Variants in TRIM14 observed in about 807,000 individuals in gnomAD.
The protein encoded by TRIM14 is tripartite motif containing 14.
TRIM14 carries 28 observed loss-of-function variants against 44.5 expected under a neutral mutation model. That is an observed-to-expected ratio of 0.63 (90% confidence interval 0.47 to 0.86). TRIM14 has a LOEUF of 0.86. TRIM14 is among the 40% of genes least tolerant of loss of function. TRIM14 has a pLI of 0.00. For missense variants in TRIM14, 607 were observed against 611.1 expected, an observed-to-expected ratio of 0.99 and a Z score of 0.07; for synonymous variants, 299 against 269.2, an observed-to-expected ratio of 1.11 and a Z score of -1.08.
At chr9:98,114,044 A>T (rs4743168) in intron 1 of TRIM14, among the ~76,000 whole-genome samples, 50,339 of 152,106 alleles carry the variant, frequency 0.33, 9,357 homozygotes, top group East Asian at 0.56. Context: ...GACCCCTGGA[A>T]GTCCAAAAGA....
At chr9:98,060,410 T>A in the TRIM14 span, among the ~76,000 whole-genome samples, 1 of 152,248 alleles carries the variant, frequency 6.6e-6, no homozygotes, top group East Asian at 1.9e-4. Flanking sequence ...GACTCATGCC[T>A]GTAATCCCAG....
At chr9:98,089,647 A>G (rs903128522) in intron 5 of TRIM14, among the ~76,000 whole-genome samples, 1 of 152,248 alleles carries the variant, frequency 6.6e-6, no homozygotes, top group Non-Finnish European at 1.5e-5. Flanking sequence ...TATGCCTTCA[A>G]CAGAACTCTT....
chr9:98,055,742 A>T, the TRIM14 span, among the ~76,000 whole-genome samples: 826 of 152,026 alleles, frequency 5.4e-3, 7 homozygotes, highest in Non-Finnish European at 8.1e-3. Flanking sequence ...TTAATTAATT[A>T]ATTTATTTAT....
chr9:98,116,520 C>T (rs1587980874), intron 1 of TRIM14, among the ~76,000 whole-genome samples: 1 of 151,978 alleles, frequency 6.6e-6, no homozygotes, highest in Non-Finnish European at 1.5e-5. Context: ...CTTGGTTTGG[C>T]TTTTTAGCTG....
chr9:98,066,360 A>G (rs1167830097), downstream of TRIM14, among the ~76,000 whole-genome samples: 1 of 152,154 alleles, frequency 6.6e-6, no homozygotes, highest in Admixed American at 6.6e-5. Context: ...TCACAAGTAT[A>G]TAGTGGAGTT....
downstream of TRIM14, among the ~76,000 whole-genome samples, chr9:98,065,334 CAG>C (rs1410125845): frequency 3.3e-5 from 2 of 60,068 alleles, no homozygotes; most frequent in African/African-American, 1.8e-4. Flanking sequence ...TTTTTTGAAA[CAG>C]AGTTTCGTTA....
At chr9:98,044,987 C>T in the TRIM14 span, among the ~76,000 whole-genome samples, 1 of 152,068 alleles carries the variant, frequency 6.6e-6, no homozygotes, top group East Asian at 1.9e-4. Context: ...ACGGTGCATG[C>T]CTGTGGTCCC....
chr9:98,065,679 T>C (rs1011797473), downstream of TRIM14, among the ~76,000 whole-genome samples: 3 of 151,192 alleles, frequency 2.0e-5, no homozygotes, highest in Admixed American at 6.6e-5. Context: ...TGATAACGGT[T>C]TGGCTGTGTC....
At chr9:98,083,874 G>A (rs940650000), downstream of TRIM14, among the ~76,000 whole-genome samples, 1 of 152,224 alleles carries the variant, frequency 6.6e-6, no homozygotes, top group East Asian at 1.9e-4. Context: ...GCTATAATAC[G>A]ATCTTGGATG....
the TRIM14 span, among the ~76,000 whole-genome samples, chr9:98,044,982 G>A: frequency 6.6e-6 from 1 of 152,042 alleles, no homozygotes; most frequent in African/African-American, 2.4e-5. Flanking sequence ...GTATGACGGT[G>A]CATGCCTGTG....
At chr9:98,065,518 TA>T (rs1829120178), downstream of TRIM14, among the ~76,000 whole-genome samples, 6 of 136,690 alleles carry the variant, frequency 4.4e-5, no homozygotes, top group Admixed American at 1.5e-4. Context: ...TTTGTATTTT[TA>T]GTAGAGACGG....
chr9:98,048,290 T>G, the TRIM14 span, among the ~76,000 whole-genome samples: 1 of 152,160 alleles, frequency 6.6e-6, no homozygotes, highest in Non-Finnish European at 1.5e-5. Flanking sequence ...GGAATCCATT[T>G]TACCTTCCAG....
At chr9:98,058,949 C>T in the TRIM14 span, among the ~76,000 whole-genome samples, 1 of 152,178 alleles carries the variant, frequency 6.6e-6, no homozygotes. Context: ...GCATCAAGTC[C>T]TGACTCTACC....
downstream of TRIM14, among the ~76,000 whole-genome samples, chr9:98,065,789 C>T (rs188403987): frequency 5.3e-5 from 8 of 152,070 alleles, no homozygotes; most frequent in African/African-American, 1.4e-4. Flanking sequence ...TGGTCTTTCC[C>T]GTGCTATTCT....
chr9:98,111,299 A>G (rs1826845574), intron 1 of TRIM14, among the ~76,000 whole-genome samples: 1 of 152,200 alleles, frequency 6.6e-6, no homozygotes, highest in African/African-American at 2.4e-5. Flanking sequence ...AGAGCTGAGC[A>G]TGGTGGCTTG....
intron 5 of TRIM14, among the ~76,000 whole-genome samples, chr9:98,089,138 C>T (rs4742716): frequency 0.3 from 45,856 of 151,938 alleles, 9,357 homozygotes; most frequent in African/African-American, 0.57. Flanking sequence ...TTAAGATTTT[C>T]CCCCTTTTTC....
At chr9:98,091,883 C>A (rs770242318) in intron 5 of TRIM14, 26 bp downstream of exon 5, 1 of 1,552,278 alleles carries the variant, frequency 6.4e-7, no homozygotes, top group Admixed American at 1.7e-5. Context: ...CCGTCTCCAC[C>A]CTATCCCCAC....
At chr9:98,053,490 A>G in the TRIM14 span, among the ~76,000 whole-genome samples, 1 of 152,202 alleles carries the variant, frequency 6.6e-6, no homozygotes, top group Non-Finnish European at 1.5e-5. Context: ...TCCATGTTCT[A>G]TCCTGTGATG....
At position 98,109,915 on chromosome 9, in the gene TRIM14, T is replaced by C; in HGVS notation, c.277A>G (p.Ile93Val). Reference protein sequence around the residue: ...KQQHIDNITQIEDATEKLKAN... With the variant: ...KQQHIDNITQVEDATEKLKAN... ...TTGAGCTTCTCGGTGGCATCTTCTA[T>C]CTGGGTTATGTTGTCAATGTGCTGC... The change falls in exon 2 of 6, where the codon ATA becomes GTA. Residue 93 changes from isoleucine to valine, a missense_variant. This residue lies in a region of TRIM14 where 246 missense variants were observed against 270.8 expected (regional missense o/e 0.91). Transcript: ENST00000341469. 6.2e-7 allele frequency: 1 copy of C among 1,612,592 alleles called. No individual in the cohort carries two copies. The highest frequency in any genetic ancestry group is 1.1e-5 in the South Asian group (1 of 90,946).
Sources: gnomAD v4.1 joint callset for allele counts (sites outside exome capture counted in the v4.1 genomes callset) on GRCh38, gnomAD v4.1.1 for gene constraint, gnomAD v4.1.1 regional missense constraint, MANE v1.5 for transcripts, NCBI Gene and HGNC (gene_info 2026-07-23, HGNC 2026-07-21) for gene names.